The following CLSTN2 variants were observed in gnomAD, a reference collection of about 807,000 sequenced individuals.
The protein encoded by CLSTN2 is calsyntenin 2.
CLSTN2 carries 48 observed loss-of-function variants against 101.2 expected under a neutral mutation model. The ratio of observed to expected loss-of-function variants is 0.47; its 90% CI spans 0.38 to 0.60. The LOEUF (loss-of-function observed/expected upper bound fraction) is 0.60, where lower values mean the gene tolerates loss of function less well. CLSTN2 is among the 20% of genes least tolerant of loss of function. CLSTN2 has a pLI of 0.00. For missense variants in CLSTN2, 1,160 were observed against 1,238.2 expected (o/e 0.94, Z 0.95); for synonymous variants, 481 against 463.6 (o/e 1.04, Z -0.48).
chr3:140,159,865 C>A (rs1019991376), intron 1 of CLSTN2, among the ~76,000 whole-genome samples: 19 of 152,244 alleles, frequency 1.2e-4, no homozygotes, highest in Admixed American at 7.9e-4. Flanking sequence ...TTTGCAGCAA[C>A]ATGAATGCAG....
intron 2 of CLSTN2, among the ~76,000 whole-genome samples, chr3:140,203,464 T>TTTTTG (rs1559805533): frequency 3.2e-5 from 3 of 93,758 alleles, no homozygotes; most frequent in Non-Finnish European, 2.0e-5. Flanking sequence ...AGTGTGGGTT[T>TTTTTG]TTTTTTTTTT....
intron 1 of CLSTN2, among the ~76,000 whole-genome samples, chr3:139,984,654 G>A (rs1199325639): frequency 6.6e-6 from 1 of 152,008 alleles, no homozygotes; most frequent in Non-Finnish European, 1.5e-5. Context: ...CCCTTGTATT[G>A]GCCTTTTCTT....
At chr3:140,427,185 ATATAT>A (rs765462049) in intron 5 of CLSTN2, among the ~76,000 whole-genome samples, 9,034 of 82,548 alleles carry the variant, frequency 0.11, 482 homozygotes, top group East Asian at 0.2. Flanking sequence ...AAAAAAAAAA[ATATAT>A]ATATATATAT....
At chr3:140,010,034 C>T (rs2007039780) in intron 1 of CLSTN2, among the ~76,000 whole-genome samples, 2 of 152,128 alleles carry the variant, frequency 1.3e-5, no homozygotes, top group Admixed American at 1.3e-4. Context: ...ATTACTGTTG[C>T]CACCCACAGT....
At chr3:140,148,568 T>C (rs530717255) in intron 1 of CLSTN2, among the ~76,000 whole-genome samples, 101 of 152,344 alleles carry the variant, frequency 6.6e-4, no homozygotes, top group African/African-American at 2.3e-3. Flanking sequence ...AATAGCTTCT[T>C]GTCCAAGGGC....
chr3:140,221,098 TCAGC>T (rs2086268158), intron 2 of CLSTN2, among the ~76,000 whole-genome samples: 1 of 152,156 alleles, frequency 6.6e-6, no homozygotes, highest in Non-Finnish European at 1.5e-5. Context: ...CACTGTACAG[TCAGC>T]CAGGAGCAAA....
At chr3:140,280,445 G>A (rs1317449436) in intron 2 of CLSTN2, among the ~76,000 whole-genome samples, 5 of 152,144 alleles carry the variant, frequency 3.3e-5, no homozygotes, top group African/African-American at 1.2e-4. Context: ...CCAGAAGGTA[G>A]AAGGAGAAAG....
chr3:140,103,258 C>T lies in CLSTN2; in HGVS notation c.110-72693C>T, dbSNP rs544050511. 3.3e-5 allele frequency among the ~76,000 whole-genome samples: 5 copies of T among 152,226 alleles called. No individual in the cohort carries two copies. The South Asian group carries it at 8.3e-4, about 25-fold the overall frequency. Reference sequence around the variant, plus strand: ...AGGCTGGGCTGTATCTTTAACCAAGCCAGGATTGCTAACTTCCACATGGCC... The same window carrying T: ...AGGCTGGGCTGTATCTTTAACCAAGTCAGGATTGCTAACTTCCACATGGCC... On this transcript the variant is annotated intron_variant, in intron 1 of 16. Transcript: ENST00000458420.
intron 2 of CLSTN2, among the ~76,000 whole-genome samples, chr3:140,252,746 T>C (rs2086574882): frequency 6.6e-6 from 1 of 152,202 alleles, no homozygotes; most frequent in Non-Finnish European, 1.5e-5. Context: ...GTGCCTAAGG[T>C]ACAAGCAAGT....
chr3:140,046,230 C>G (rs4683791), intron 1 of CLSTN2, among the ~76,000 whole-genome samples: 18,023 of 146,614 alleles, frequency 0.12, 1,399 homozygotes, highest in East Asian at 0.23. Flanking sequence ...AGGATAGTTA[C>G]CTCTTCTTGT....
chr3:140,565,083 T>G (rs1936002262), intron 16 of CLSTN2, among the ~76,000 whole-genome samples: 1 of 152,192 alleles, frequency 6.6e-6, no homozygotes, highest in Non-Finnish European at 1.5e-5. Flanking sequence ...ATTTCCACCT[T>G]CAAAGAGCTG....
At chr3:140,476,906 G>A (rs953375898) in intron 8 of CLSTN2, among the ~76,000 whole-genome samples, 4 of 152,032 alleles carry the variant, frequency 2.6e-5, no homozygotes, top group African/African-American at 4.8e-5. Context: ...TGATCCACCC[G>A]CCTTGGCCTC....
At chr3:140,387,738 A>G (rs921516462) in intron 2 of CLSTN2, among the ~76,000 whole-genome samples, 1 of 152,262 alleles carries the variant, frequency 6.6e-6, no homozygotes, top group African/African-American at 2.4e-5. Context: ...AAAGATATTT[A>G]GCACTTTATG....
intron 2 of CLSTN2, among the ~76,000 whole-genome samples, chr3:140,385,645 G>T (rs1172505229): frequency 6.6e-6 from 1 of 151,940 alleles, no homozygotes; most frequent in African/African-American, 2.4e-5. Context: ...CCAAAGTACT[G>T]GGATTACAGC....
chr3:140,538,592 T>G (rs1576617845), intron 9 of CLSTN2, among the ~76,000 whole-genome samples: 1 of 152,322 alleles, frequency 6.6e-6, no homozygotes, highest in African/African-American at 2.4e-5. Context: ...TTTCAGGTCA[T>G]TTTCTTCTGC....
chr3:140,258,116 G>A (rs2086619110), intron 2 of CLSTN2, among the ~76,000 whole-genome samples: 1 of 151,824 alleles, frequency 6.6e-6, no homozygotes, highest in Non-Finnish European at 1.5e-5. Flanking sequence ...AGGCTTAATG[G>A]CATTTTTAAT....
intron 8 of CLSTN2, among the ~76,000 whole-genome samples, chr3:140,504,576 C>T (rs1934647459): frequency 6.6e-6 from 1 of 152,174 alleles, no homozygotes; most frequent in African/African-American, 2.4e-5. Flanking sequence ...GGTTCCTGAA[C>T]AGTGCAGGTT....
At chr3:139,990,517 G>A (rs1467524343) in intron 1 of CLSTN2, among the ~76,000 whole-genome samples, 2 of 152,180 alleles carry the variant, frequency 1.3e-5, no homozygotes, top group Non-Finnish European at 2.9e-5. Flanking sequence ...TGCTTAAAAT[G>A]TAATAACCCT....
chr3:140,163,494 AC>A (rs1204957888), intron 1 of CLSTN2, among the ~76,000 whole-genome samples: 1 of 151,772 alleles, frequency 6.6e-6, no homozygotes, highest in Non-Finnish European at 1.5e-5. Context: ...ATTGTTATGT[AC>A]TATTGGTTCT....
Sources: allele counts gnomAD v4.1 joint callset (sites outside exome capture counted in the v4.1 genomes callset), GRCh38; gene constraint gnomAD v4.1.1; transcripts MANE v1.5; gene names NCBI Gene and HGNC (gene_info 2026-07-23, HGNC 2026-07-21).